The following DDX39B variants were observed in gnomAD, a reference collection of about 807,000 sequenced individuals.
DDX39B encodes the protein spliceosome RNA helicase DDX39B.
Under a neutral mutation model 46.4 loss-of-function variants are expected in DDX39B, and 6 were observed. That is an observed-to-expected ratio of 0.13 (90% CI 0.07 to 0.26). The LOEUF is 0.26. Ranked by LOEUF, DDX39B falls within the 10% of genes least tolerant of loss-of-function variation. DDX39B has a pLI of 1.00. For missense variants in DDX39B, 185 were observed against 553.4 expected, an observed-to-expected ratio of 0.33 and a Z score of 6.68; for synonymous variants, 174 against 199.4, an observed-to-expected ratio of 0.87 and a Z score of 1.07.
chr6:31,531,039 C>T lies in DDX39B; in HGVS notation c.1122+14G>A, dbSNP rs771358976. 6.2e-7 allele frequency: 1 copy of T among 1,613,912 alleles called. No homozygotes were observed. Among genetic ancestry groups the T allele is most frequent in the Non-Finnish European group, 8.5e-7 (1 of 1,179,960 alleles). ...GAATGGGAGAGTGGGATTTTTTCAG[C>T]CTGTGAGGTTTACCCGATGCAGGTA... On this transcript the variant is annotated intron_variant, in intron 9 of 10. Coordinates refer to ENST00000396172, the MANE Select transcript of DDX39B (RefSeq NM_004640.7). The surrounding 1 kb of genome is among the most constrained non-coding windows in gnomAD (Gnocchi z 5.8).
rs1767681059 is a variant in DDX39B at position 31,535,453 on chromosome 6, T to C, written c.649A>G (p.Met217Val). The C allele has an allele frequency of 1.9e-6, 3 of 1,612,798 alleles. No homozygotes were observed. Among genetic ancestry groups the C allele is most frequent in the South Asian group, 1.1e-5 (1 of 91,056 alleles). ...ATGACCTGCTTCTCGTGGGGGGTCA[T>C]GCGAAAAATTTCCTGGACATCCCGA... is the stretch of plus-strand genomic sequence containing the variant. ...MRRDVQEIFR[M>V]TPHEKQVMMF... Residue 217 changes from methionine to valine, a missense_variant, in exon 6 of 11, where the codon ATG (methionine) becomes GTG (valine). Transcript: ENST00000396172. This position sits in a 1 kb window ranked among gnomAD's most constrained non-coding sequence, Gnocchi z 4.6.
intron 1 of DDX39B, 104 bp downstream of exon 1, chr6:31,541,846 G>A (rs976359615): frequency 1.6e-6 from 1 of 642,308 alleles, no homozygotes; most frequent in African/African-American, 1.8e-5. Flanking sequence ...CTAGGCCCCA[G>A]CGACCAGACC....
At position 31,530,868 on chromosome 6, in the gene DDX39B, T is replaced by C. The variant is rs1767081084; in HGVS notation, c.1181A>G (p.Glu394Gly). ...ATCATTGAGGATCTTGGCATCATTCTCATCGGACACAAATGTGATAGCCAA... is the reference window on the plus strand; with the variant it reads ...ATCATTGAGGATCTTGGCATCATTCCCATCGGACACAAATGTGATAGCCAA... ...KGLAITFVSD[E>G]NDAKILNDVQ... Residue 394 changes from glutamate to glycine, a missense_variant, in exon 10 of 11, where the codon GAG becomes GGG. Coordinates refer to ENST00000396172, the MANE Select transcript of DDX39B (RefSeq NM_004640.7). This position sits in a 1 kb window ranked among gnomAD's most constrained non-coding sequence, Gnocchi z 4.5. 6.2e-7 allele frequency: 1 copy of C among 1,614,036 alleles called. No homozygotes were observed. The highest frequency in any genetic ancestry group is 8.5e-7 in the Non-Finnish European group (1 of 1,180,052).
intron 4 of DDX39B, 51 bp from the exon 5 acceptor site, chr6:31,536,734 A>G (rs771267299): frequency 5.6e-6 from 9 of 1,596,612 alleles, no homozygotes; most frequent in African/African-American, 4.0e-5. Flanking sequence ...AAAGAGTCCA[A>G]TCCCCCCAGG....
In DDX39B at chr6:31,531,604, G is replaced by T; in HGVS notation, c.868-199C>A. 1 of 591,390 alleles carries T rather than the reference G, an allele frequency of 1.7e-6. No homozygotes were observed. Among genetic ancestry groups the T allele is most frequent in the Non-Finnish European group, 2.9e-6 (1 of 339,288 alleles). 36.6% of individuals were successfully genotyped at this position (591,390 alleles called of 1,614,324 possible). A position where few individuals can be genotyped will look rare whatever the true frequency, so the allele number is the denominator to read the frequency against. ...TCAGCACTGATTTTTCCCTAAGGAA[G>T]CTGGCCTCTGAGGTAGCACAGAGTT... is the stretch of plus-strand genomic sequence containing the variant. On this transcript the variant is annotated intron_variant, in intron 7 of 10. Coordinates refer to ENST00000396172, the MANE Select transcript of DDX39B (RefSeq NM_004640.7). The surrounding 1 kb of genome is among the most constrained non-coding windows in gnomAD (Gnocchi z 5.8).
chr6:31,534,591 G>A lies in DDX39B; in HGVS notation c.735+776C>T. 1 of 442,588 alleles carries A rather than the reference G, an allele frequency of 2.3e-6. No individual in the cohort carries two copies. Among genetic ancestry groups the A allele is most frequent in the Non-Finnish European group, 4.6e-6 (1 of 217,862 alleles). The allele number at this position is 442,588 out of a possible 1,614,324, so 27.4% of individuals were successfully genotyped here. ...GACACCCCTCCCCAACACATATTGG[G>A]GGAAACGGGGCACGGCACGCGTTGG... On this transcript the variant is annotated intron_variant, in intron 6 of 10. Transcript: ENST00000396172. The surrounding 1 kb of genome is among the most constrained non-coding windows in gnomAD (Gnocchi z 5.1).
rs771677558 is a variant in DDX39B, at chr6:31,540,312, GA to G, written c.211+9del. 7.4e-6 allele frequency: 12 copies of G among 1,613,954 alleles called. No individual in the cohort carries two copies. Among genetic ancestry groups the G allele is most frequent in the Admixed American group, 1.7e-5 (1 of 59,992 alleles). ...CCCAATGAGCACTACATGCCCAAGA[GA>G]AAATTTACCTTCTGACGGATGCTCA... On this transcript the variant is annotated intron_variant, in intron 2 of 10. Transcript: ENST00000396172.
chr6:31,540,568 T>C lies in DDX39B; in HGVS notation c.-36A>G, dbSNP rs1768296141. On this transcript the variant is annotated 5_prime_UTR_variant, in exon 2 of 11. Coordinates refer to ENST00000396172, the MANE Select transcript of DDX39B (RefSeq NM_004640.7). ...GCAGGGGAAGAAGGGAAGGGGGATCTGGATGGGTTCTCGCAAAATAGGTGA... is the reference window on the plus strand; with the variant it reads ...GCAGGGGAAGAAGGGAAGGGGGATCCGGATGGGTTCTCGCAAAATAGGTGA... 1 of 1,609,152 alleles carries C rather than the reference T, an allele frequency of 6.2e-7. No homozygotes were observed. Among genetic ancestry groups the C allele is most frequent in the African/African-American group, 1.3e-5 (1 of 74,778 alleles).
At chr6:31,532,667 T>G in intron 7 of DDX39B, 113 bp downstream of exon 7, 1 of 1,388,408 alleles carries the variant, frequency 7.2e-7, no homozygotes, top group Non-Finnish European at 1.0e-6. Flanking sequence ...ACCCTCATTA[T>G]TCTCTCCCAC....
chr6:31,530,495 G>C lies in DDX39B; in HGVS notation c.1271-45C>G. ...TGGTCAGAATAAGGCATGAAAAGGG[G>C]AAAGTGAGGCAGGAACACACGGCAC... is the stretch of plus-strand genomic sequence containing the variant. On this transcript the variant is annotated intron_variant, in intron 10 of 10. Coordinates refer to ENST00000396172, the MANE Select transcript of DDX39B (RefSeq NM_004640.7). The surrounding 1 kb of genome is among the most constrained non-coding windows in gnomAD (Gnocchi z 4.5). 2.5e-6 allele frequency: 4 copies of C among 1,612,356 alleles called. No individual in the cohort carries two copies. Among genetic ancestry groups the C allele is most frequent in the Non-Finnish European group, 3.4e-6 (4 of 1,179,530 alleles).
chr6:31,536,723 G>T lies in DDX39B; in HGVS notation c.433-40C>A. ...GCAAAGAGTCTCAAAACAGAGGAAG[G>T]AAAGAGTCCAATCCCCCCAGGGTTC... is the stretch of plus-strand genomic sequence containing the variant. On this transcript the variant is annotated intron_variant, in intron 4 of 10. Transcript: ENST00000396172. The T allele has an allele frequency of 1.2e-6, 2 of 1,603,410 alleles. 1 individual carries two copies. The highest frequency in any genetic ancestry group is 2.2e-5 in the South Asian group (2 of 90,238).
chr6:31,541,240 AAGC>A (rs1379714546), intron 1 of DDX39B: 1 of 532,820 alleles, frequency 1.9e-6, no homozygotes, highest in Non-Finnish European at 3.9e-6. Flanking sequence ...TCCGCTGTTT[AAGC>A]AAGCCTTGTG....
rs1767122635 is a variant in DDX39B, at chr6:31,531,236, C to T, written c.978-39G>A. The T allele has an allele frequency of 6.2e-7, 1 of 1,613,854 alleles. No homozygotes were observed. The highest frequency in any genetic ancestry group is 1.3e-5 in the African/African-American group (1 of 74,896). On this transcript the variant is annotated intron_variant, in intron 8 of 10. Transcript: ENST00000396172. The surrounding 1 kb of genome is among the most constrained non-coding windows in gnomAD (Gnocchi z 5.8). The stretch of plus-strand genomic sequence containing the variant: ...GAAATTTAAAACATGTTGAGATTCC[C>T]TTCTCTCAACTGTCTTTTTCTCCCA...
chr6:31,536,582 G>A lies in DDX39B; in HGVS notation c.534C>T (p.Ala178=). ...IVVGTPGRIL[A]LARNKSLNLK... ...GGTTGAGGCTCTTATTTCGAGCCAG[G>A]GCTAGGATACGGCCTGGAGTCCCCA... The change falls in exon 5 of 11, where the codon GCC becomes GCT. Residue 178 remains alanine, a synonymous_variant. Transcript: ENST00000396172. 1 of 1,613,218 alleles carries A rather than the reference G, an allele frequency of 6.2e-7. No individual in the cohort carries two copies. The highest frequency in any genetic ancestry group is 1.1e-5 in the South Asian group (1 of 91,076).
At chr6:31,537,731 G>C (rs1380954484) in intron 4 of DDX39B, among the ~76,000 whole-genome samples, 2 of 152,098 alleles carry the variant, frequency 1.3e-5, no homozygotes, top group Admixed American at 6.6e-5. Context: ...CTAATCCTAT[G>C]GTAAATCTAA....
chr6:31,530,677 G>A lies in DDX39B; in HGVS notation c.1270+102C>T, dbSNP rs1767060453. On this transcript the variant is annotated intron_variant, in intron 10 of 10. Transcript: ENST00000396172. This position sits in a 1 kb window ranked among gnomAD's most constrained non-coding sequence, Gnocchi z 4.5. ...ACCAGGGGGCATGAACCAGTCAAGTGTCCATTATGCATCAGATGCCCATGA... is the reference window on the plus strand; with the variant it reads ...ACCAGGGGGCATGAACCAGTCAAGTATCCATTATGCATCAGATGCCCATGA... The A allele has an allele frequency of 2.0e-6, 3 of 1,486,914 alleles. No homozygotes were observed. The highest frequency in any genetic ancestry group is 2.3e-5 in the East Asian group (1 of 43,984). The allele number at this position is 1,486,914 out of a possible 1,614,324, so 92.1% of individuals were successfully genotyped here.
intron 7 of DDX39B, among the ~76,000 whole-genome samples, chr6:31,532,092 A>G (rs922745324): frequency 2.6e-5 from 4 of 151,708 alleles, no homozygotes; most frequent in Non-Finnish European, 4.4e-5. Flanking sequence ...TCAGCCTCCC[A>G]AAGTACTGGG....
intron 7 of DDX39B, 118 bp downstream of exon 7, chr6:31,532,662 C>G (rs746625524): frequency 7.4e-7 from 1 of 1,347,396 alleles, no homozygotes; most frequent in African/African-American, 1.4e-5. Flanking sequence ...TTTATACCCT[C>G]ATTATTCTCT....
intron 4 of DDX39B, 109 bp downstream of exon 4, chr6:31,538,653 AC>A: frequency 1.0e-6 from 1 of 998,194 alleles, no homozygotes; most frequent in Non-Finnish European, 1.5e-6. Context: ...ACTCTGTTAC[AC>A]CACAGCAAAC....
Sources: allele counts gnomAD v4.1 joint callset (sites outside exome capture counted in the v4.1 genomes callset), GRCh38; gene constraint gnomAD v4.1.1; non-coding constraint Gnocchi (gnomAD v3.1); transcripts MANE v1.5; gene names NCBI Gene and HGNC (gene_info 2026-07-23, HGNC 2026-07-21).